The following IL16 variants were observed in gnomAD, a reference collection of about 807,000 sequenced individuals.
The protein encoded by IL16 is interleukin 16, also known as pro-interleukin-16.
A neutral mutation model predicts 110.1 loss-of-function variants in IL16; 67 were observed. That is an observed-to-expected ratio of 0.61 (90% CI 0.50 to 0.75). The LOEUF (loss-of-function observed/expected upper bound fraction) is 0.75, where lower values mean the gene tolerates loss of function less well. IL16 is among the 30% of genes least tolerant of loss of function. The probability of loss-of-function intolerance (pLI) is 0.00; values close to 1 mark genes in which losing one functional copy is unlikely to be tolerated. For synonymous variants in IL16, 689 were observed against 662.9 expected, an observed-to-expected ratio of 1.04 and a Z score of -0.61; for missense variants, 1,545 against 1,655.0, an observed-to-expected ratio of 0.93 and a Z score of 1.15.
At chr15:81,235,696 C>G (rs774529881) in intron 2 of IL16, among the ~76,000 whole-genome samples, 3 of 152,102 alleles carry the variant, frequency 2.0e-5, no homozygotes, top group Non-Finnish European at 4.4e-5. Flanking sequence ...CCATGTTTTA[C>G]GACACGGTGG....
intron 6 of IL16, among the ~76,000 whole-genome samples, chr15:81,275,294 C>T (rs1898849707): frequency 6.9e-6 from 1 of 144,878 alleles, no homozygotes; most frequent in Admixed American, 7.1e-5. Context: ...GAAGTGAATG[C>T]AGACATTTGG....
intron 4 of IL16, among the ~76,000 whole-genome samples, chr15:81,268,849 G>A (rs572859513): frequency 1.3e-5 from 2 of 152,342 alleles, no homozygotes; most frequent in East Asian, 3.9e-4. Flanking sequence ...TTAGGACCAT[G>A]CTTTTACAGC....
intron 4 of IL16, among the ~76,000 whole-genome samples, chr15:81,269,158 T>C (rs560537694): frequency 6.6e-6 from 1 of 152,378 alleles, no homozygotes; most frequent in African/African-American, 2.4e-5. Context: ...AAATGTGTCT[T>C]GGATTGAACA....
intron 2 of IL16, among the ~76,000 whole-genome samples, chr15:81,237,648 A>G (rs1320891096): frequency 1.3e-5 from 2 of 151,750 alleles, no homozygotes; most frequent in Non-Finnish European, 2.9e-5. Context: ...CTCTAAGGTA[A>G]CCACTTAATT....
chr15:81,207,247 A>C (rs1325005151), intron 1 of IL16, among the ~76,000 whole-genome samples: 2 of 68,132 alleles, frequency 2.9e-5, no homozygotes, highest in African/African-American at 5.6e-4. Flanking sequence ...CAAAAAAAAC[A>C]AAAAAAAAAA....
At chr15:81,202,446 A>C (rs1895852712) in intron 1 of IL16, among the ~76,000 whole-genome samples, 2 of 152,160 alleles carry the variant, frequency 1.3e-5, no homozygotes, top group Non-Finnish European at 2.9e-5. Context: ...AAAATTTGGA[A>C]GGCATATCTC....
At chr15:81,199,900 G>A (rs192904427) in intron 1 of IL16, among the ~76,000 whole-genome samples, 223 of 152,264 alleles carry the variant, frequency 1.5e-3, no homozygotes, top group South Asian at 2.5e-3. Flanking sequence ...GAGCAAATGC[G>A]GCAAAATCAA....
At position 81,225,352 on chromosome 15, in the gene IL16, G is replaced by A. The variant is rs1407701120; in HGVS notation, c.-48G>A. The A allele has an allele frequency of 2.5e-6, 4 of 1,596,794 alleles. No individual in the cohort carries two copies. The East Asian group carries it at 9.0e-5, about 36-fold the overall frequency. ...TCCAGTGGCCACCCGTCAGCCAAGG[G>A]CCAGAGACCAGGAAAGGAAGAAAGG... is the stretch of plus-strand genomic sequence containing the variant. On this transcript the variant is annotated 5_prime_UTR_variant, in exon 2 of 19. Coordinates refer to ENST00000683961, the MANE Select transcript of IL16 (RefSeq NM_172217.5).
chr15:81,201,181 T>G (rs1345039631), intron 1 of IL16, among the ~76,000 whole-genome samples: 2 of 151,332 alleles, frequency 1.3e-5, no homozygotes, highest in East Asian at 3.9e-4. Flanking sequence ...GTATGTGTGG[T>G]GAAAAAGAGA....
rs1057328942 is a variant in IL16 at position 81,308,912 on chromosome 15, G to T, written c.*114G>T. 4.7e-5 allele frequency: 44 copies of T among 943,740 alleles called. No individual in the cohort carries two copies. In the Admixed American group the frequency reaches 1.2e-3, roughly 25 times the overall value. 58.5% of individuals were successfully genotyped at this position (943,740 alleles called of 1,614,324 possible). A position where few individuals can be genotyped will look rare whatever the true frequency, so the allele number is the denominator to read the frequency against. On this transcript the variant is annotated 3_prime_UTR_variant, in exon 19 of 19. Transcript: ENST00000683961. ...ACCCAGATGGGGGAAAGCACAGGTG[G>T]GCTTCCCAGTGGCTGCTGCCCAGGC...
chr15:81,310,169 TGTG>T lies in IL16; in HGVS notation c.*1373_*1375del, dbSNP rs1900779838. The T allele has an allele frequency of 6.6e-6, 1 of 152,214 alleles. No homozygotes were observed. The highest frequency in any genetic ancestry group is 1.5e-5 in the Non-Finnish European group (1 of 68,046). The allele number at this position is 152,214 out of a possible 1,614,324, so 9.4% of individuals were successfully genotyped here. A position where few individuals can be genotyped will look rare whatever the true frequency, so the allele number is the denominator to read the frequency against. The stretch of plus-strand genomic sequence containing the variant: ...AGCCCCTGATCCTGTGAAGTAAGGA[TGTG>T]GGGGAAGACCTGGCAAGGACACAGA... On this transcript the variant is annotated 3_prime_UTR_variant, in exon 19 of 19. Transcript: ENST00000683961.
intron 1 of IL16, among the ~76,000 whole-genome samples, chr15:81,190,404 T>C (rs2141920040): frequency 6.6e-6 from 1 of 152,286 alleles, no homozygotes; most frequent in Non-Finnish European, 1.5e-5. Flanking sequence ...AGCACGGCAA[T>C]GTTTACTTAC....
intron 2 of IL16, among the ~76,000 whole-genome samples, chr15:81,246,131 AT>A (rs1322104483): frequency 6.6e-6 from 1 of 151,996 alleles, no homozygotes; most frequent in Non-Finnish European, 1.5e-5. Context: ...CTTTCTTTTA[AT>A]TTTTTACAAG....
chr15:81,208,258 T>C (rs1175594977), intron 1 of IL16, among the ~76,000 whole-genome samples: 4 of 152,238 alleles, frequency 2.6e-5, no homozygotes, highest in Non-Finnish European at 1.5e-5. Context: ...AAGTTCCTTA[T>C]AGTTTCTGGA....
chr15:81,308,391 TCCAAAGGC>T (rs1345228582), intron 18 of IL16, among the ~76,000 whole-genome samples: 1 of 152,158 alleles, frequency 6.6e-6, no homozygotes. Context: ...GCTATCCCTT[TCCAAAGGC>T]CATGGAGAGC....
intron 10 of IL16, among the ~76,000 whole-genome samples, chr15:81,288,190 G>C (rs1053565244): frequency 1.3e-5 from 2 of 152,154 alleles, no homozygotes; most frequent in Non-Finnish European, 2.9e-5. Context: ...GGAGATCCAG[G>C]GGCACAGGCA....
At chr15:81,293,120 G>A in intron 12 of IL16, 83 bp downstream of exon 12, 1 of 1,432,844 alleles carries the variant, frequency 7.0e-7, no homozygotes, top group Non-Finnish European at 9.4e-7. Context: ...GTTAGTGTTA[G>A]CAGGGCCAGA....
intron 1 of IL16, among the ~76,000 whole-genome samples, chr15:81,207,381 G>A (rs929919109): frequency 4.6e-5 from 7 of 151,872 alleles, no homozygotes; most frequent in Non-Finnish European, 1.0e-4. Context: ...TTCACAAAAA[G>A]GCTAAGTAGA....
chr15:81,191,075 C>A (rs1049253191), intron 1 of IL16, among the ~76,000 whole-genome samples: 6 of 152,234 alleles, frequency 3.9e-5, no homozygotes, highest in African/African-American at 1.4e-4. Context: ...AGCCTCCACA[C>A]TGGCCCACAG....
Sources: allele counts gnomAD v4.1 joint callset (sites outside exome capture counted in the v4.1 genomes callset), GRCh38; gene constraint gnomAD v4.1.1; transcripts MANE v1.5; gene names NCBI Gene and HGNC (gene_info 2026-07-23, HGNC 2026-07-21).